NAA11: variants seen among roughly 807,000 people sequenced by gnomAD.
NAA11 encodes the protein N-alpha-acetyltransferase 11.
In NAA11, 15 loss-of-function variants were observed where a neutral mutation model predicts 16.1. The observed-to-expected ratio is 0.93, with a 90% CI of 0.62 to 1.44. The LOEUF (loss-of-function observed/expected upper bound fraction) is 1.44, where lower values mean the gene tolerates loss of function less well. Ranked by LOEUF, NAA11 falls within the 40% of genes most tolerant of loss-of-function variation. The pLI is 0.00. For missense variants in NAA11, 298 were observed against 291.3 expected (o/e 1.02, Z -0.17); for synonymous variants, 122 against 112.4 (o/e 1.09, Z -0.54).
chr4:79,174,881 C>T, the NAA11 span, among the ~76,000 whole-genome samples: 2 of 152,054 alleles, frequency 1.3e-5, no homozygotes, highest in African/African-American at 4.8e-5. Flanking sequence ...AACTATCTGT[C>T]TTCTCATTTT....
chr4:79,280,311 T>C (rs1722754449), intron 2 of NAA11, among the ~76,000 whole-genome samples: 2 of 152,088 alleles, frequency 1.3e-5, no homozygotes, highest in South Asian at 4.1e-4. Context: ...GGAATCACTG[T>C]GCCCTCCCGT....
chr4:79,243,365 A>G (rs1338763738), intron 2 of NAA11, among the ~76,000 whole-genome samples: 2 of 152,240 alleles, frequency 1.3e-5, no homozygotes, highest in African/African-American at 4.8e-5. Context: ...AAATTGTCAT[A>G]TGGGATTCAT....
chr4:79,180,032 A>G, the NAA11 span, among the ~76,000 whole-genome samples: 1 of 152,226 alleles, frequency 6.6e-6, no homozygotes, highest in South Asian at 2.1e-4. Context: ...CATGGGGGAA[A>G]CTGCCCCCAT....
chr4:79,205,967 A>G, the NAA11 span, among the ~76,000 whole-genome samples: 2 of 151,942 alleles, frequency 1.3e-5, no homozygotes, highest in African/African-American at 2.4e-5. Flanking sequence ...GCATTGGTCT[A>G]TGTGTCTACT....
the NAA11 span, among the ~76,000 whole-genome samples, chr4:79,181,972 T>C: frequency 6.6e-6 from 1 of 152,228 alleles, no homozygotes; most frequent in Admixed American, 6.5e-5. Context: ...AAGTCATTTC[T>C]TGTGTTTTCT....
the NAA11 span, among the ~76,000 whole-genome samples, chr4:79,182,692 G>T: frequency 2.6e-5 from 4 of 152,096 alleles, no homozygotes; most frequent in Admixed American, 2.0e-4. Flanking sequence ...TCTAATGGAT[G>T]CATTTATGCT....
downstream of NAA11, among the ~76,000 whole-genome samples, chr4:79,224,095 G>A (rs1440215298): frequency 1.3e-5 from 2 of 152,020 alleles, no homozygotes; most frequent in Non-Finnish European, 2.9e-5. Flanking sequence ...GAATGGCAGG[G>A]TTCTAGATCT....
chr4:79,202,953 T>C, the NAA11 span, among the ~76,000 whole-genome samples: 1 of 151,380 alleles, frequency 6.6e-6, no homozygotes, highest in Non-Finnish European at 1.5e-5. Context: ...ACATTGCATG[T>C]GTGTATTAGA....
chr4:79,193,663 G>A, the NAA11 span, among the ~76,000 whole-genome samples: 1 of 152,148 alleles, frequency 6.6e-6, no homozygotes, highest in Non-Finnish European at 1.5e-5. Context: ...GTAGTGTGAT[G>A]CCTCCAGCTT....
intron 2 of NAA11, among the ~76,000 whole-genome samples, chr4:79,271,863 A>G (rs1272463391): frequency 2.0e-5 from 3 of 152,006 alleles, no homozygotes; most frequent in Non-Finnish European, 4.4e-5. Context: ...ATAGAGACCT[A>G]GAATCCAGAG....
chr4:79,229,406 T>C (rs1025293943), intron 2 of NAA11, among the ~76,000 whole-genome samples: 9 of 151,950 alleles, frequency 5.9e-5, no homozygotes, highest in Non-Finnish European at 1.3e-4. Context: ...CTGTTTGATC[T>C]ATGTATCTAT....
the NAA11 span, chr4:79,211,571 A>G: frequency 6.6e-6 from 1 of 152,002 alleles, no homozygotes; most frequent in African/African-American, 2.4e-5. Context: ...TGCTCTTTTC[A>G]TTGTGTTATG....
chr4:79,181,540 C>T, the NAA11 span, among the ~76,000 whole-genome samples: 23 of 152,208 alleles, frequency 1.5e-4, no homozygotes, highest in African/African-American at 4.8e-4. Flanking sequence ...CTACAGTGAA[C>T]GGGAAGGAGA....
intron 2 of NAA11, among the ~76,000 whole-genome samples, chr4:79,275,922 A>G (rs748208640): frequency 2.6e-5 from 4 of 152,150 alleles, no homozygotes; most frequent in African/African-American, 4.8e-5. Context: ...ATGTTTAAAA[A>G]CCTTACAAAA....
intron 2 of NAA11, among the ~76,000 whole-genome samples, chr4:79,287,539 G>T (rs1308265247): frequency 2.0e-5 from 3 of 151,900 alleles, no homozygotes; most frequent in African/African-American, 7.3e-5. Flanking sequence ...TTGAGGCTGA[G>T]GTCTCTTAGG....
intron 2 of NAA11, among the ~76,000 whole-genome samples, chr4:79,287,163 GAT>G (rs1285655246): frequency 6.6e-6 from 1 of 152,124 alleles, no homozygotes; most frequent in Non-Finnish European, 1.5e-5. Flanking sequence ...TGTAGTTTGA[GAT>G]AATTGTGTGT....
chr4:79,300,042 C>G (rs899942212), intron 1 of NAA11, among the ~76,000 whole-genome samples: 1 of 152,154 alleles, frequency 6.6e-6, no homozygotes, highest in African/African-American at 2.4e-5. Flanking sequence ...AGTTATAATA[C>G]TAGTGGCAAT....
At chr4:79,302,042 A>G (rs1177197066) in intron 1 of NAA11, among the ~76,000 whole-genome samples, 1 of 152,192 alleles carries the variant, frequency 6.6e-6, no homozygotes. Flanking sequence ...TTGGCCCTGC[A>G]TTAGTAGAAA....
At chr4:79,191,262 T>C in the NAA11 span, among the ~76,000 whole-genome samples, 1 of 152,134 alleles carries the variant, frequency 6.6e-6, no homozygotes. Context: ...TTTTCCACAA[T>C]GGCTGAACTA....
Sources: gnomAD v4.1 joint callset for allele counts (sites outside exome capture counted in the v4.1 genomes callset) on GRCh38, gnomAD v4.1.1 for gene constraint, MANE v1.5 for transcripts, NCBI Gene and HGNC (gene_info 2026-07-23, HGNC 2026-07-21) for gene names.